CHD9: variants seen among roughly 807,000 people sequenced by gnomAD.
CHD9 encodes the protein ATP-dependent chromatin remodeler CHD9.
In CHD9, 77 loss-of-function variants were observed where a neutral mutation model predicts 316.1. That is an observed-to-expected ratio of 0.24 (90% confidence interval 0.20 to 0.29). The LOEUF is 0.29. Among genes scored for constraint, CHD9 ranks in the 10% least tolerant of loss-of-function variants. The pLI is 1.00. For missense variants in CHD9, 2,763 were observed against 3,438.1 expected, an observed-to-expected ratio of 0.80 and a Z score of 4.91; for synonymous variants, 1,129 against 1,158.3, an observed-to-expected ratio of 0.97 and a Z score of 0.51.
chr16:53,272,958 G>A (rs932480848), intron 22 of CHD9, among the ~76,000 whole-genome samples: 16 of 152,036 alleles, frequency 1.1e-4, no homozygotes, highest in African/African-American at 2.2e-4. Context: ...GCGTGGTGGC[G>A]CATGCCTGTA....
chr16:53,183,532 A>G (rs2043711432), intron 2 of CHD9, among the ~76,000 whole-genome samples: 1 of 152,168 alleles, frequency 6.6e-6, no homozygotes, highest in African/African-American at 2.4e-5. Context: ...GTGTCAGTTT[A>G]TTTTCTCTGT....
chr16:53,167,138 C>G (rs1305124656), intron 2 of CHD9, among the ~76,000 whole-genome samples: 1 of 152,052 alleles, frequency 6.6e-6, no homozygotes, highest in Non-Finnish European at 1.5e-5. Context: ...TACAATTGTA[C>G]CTGGTTGTCT....
At chr16:53,184,165 C>T (rs780562975) in intron 2 of CHD9, among the ~76,000 whole-genome samples, 1 of 152,012 alleles carries the variant, frequency 6.6e-6, no homozygotes, top group Admixed American at 6.6e-5. Flanking sequence ...AGGATGGTCT[C>T]GATCTCCTGA....
intron 1 of CHD9, among the ~76,000 whole-genome samples, chr16:53,064,220 A>G (rs184988654): frequency 2.0e-5 from 3 of 152,246 alleles, no homozygotes; most frequent in Admixed American, 1.3e-4. Context: ...ATGACAGAGA[A>G]CTGGTTGGCC....
chr16:53,086,379 C>T (rs2035462243), intron 1 of CHD9, among the ~76,000 whole-genome samples: 1 of 152,220 alleles, frequency 6.6e-6, no homozygotes, highest in Non-Finnish European at 1.5e-5. Context: ...ACAGACTGGG[C>T]TGCCTTAGGG....
intron 1 of CHD9, among the ~76,000 whole-genome samples, chr16:53,111,111 G>C (rs1411939368): frequency 6.6e-6 from 1 of 152,124 alleles, no homozygotes; most frequent in Non-Finnish European, 1.5e-5. Context: ...CATAGGCCTG[G>C]GTTCTAATGT....
At chr16:53,224,002 A>G (rs1369146133) in intron 4 of CHD9, among the ~76,000 whole-genome samples, 2 of 152,180 alleles carry the variant, frequency 1.3e-5, no homozygotes, top group Non-Finnish European at 2.9e-5. Context: ...TTAGAGACCT[A>G]AATTAAAAAG....
rs1321671067 is a variant in CHD9 at position 53,306,380 on chromosome 16, G to A, written c.6763G>A (p.Ala2255Thr). 1 of 1,586,702 alleles carries A rather than the reference G, an allele frequency of 6.3e-7. No homozygotes were observed. Among genetic ancestry groups the A allele is most frequent in the Admixed American group, 1.9e-5 (1 of 52,862 alleles). ...CTTACAAGGTGGATATATGCTGGCA[G>A]CCTCGTATTGGCCAAAGGTAAAGAA... Reference protein sequence around the residue: ...YILQGGYMLAASYWPKDRVMI... With the variant: ...YILQGGYMLATSYWPKDRVMI... The change falls in exon 32 of 39, where the codon GCC becomes ACC. Residue 2255 changes from alanine (A) to threonine (T), a missense_variant. This residue lies in a region of CHD9 where 663 missense variants were observed against 751.2 expected (regional missense o/e 0.88). Transcript: ENST00000447540.
intron 5 of CHD9, among the ~76,000 whole-genome samples, chr16:53,226,979 TC>T (rs1240591911): frequency 6.6e-6 from 1 of 152,138 alleles, no homozygotes; most frequent in African/African-American, 2.4e-5. Context: ...CATATGTGCT[TC>T]CCTCGTCTAT....
chr16:53,197,536 C>A (rs2045033119), intron 2 of CHD9, among the ~76,000 whole-genome samples: 1 of 151,818 alleles, frequency 6.6e-6, no homozygotes. Context: ...GATAAGATAA[C>A]CTTATTGCAT....
At chr16:53,169,531 C>T (rs2042526498) in intron 2 of CHD9, 3 of 152,094 alleles carry the variant, frequency 2.0e-5, no homozygotes, top group Non-Finnish European at 4.4e-5. Flanking sequence ...AAAATTTCAA[C>T]TTATCAGAAA....
At chr16:53,306,664 A>T (rs183120186) in intron 32 of CHD9, among the ~76,000 whole-genome samples, 93 of 152,352 alleles carry the variant, frequency 6.1e-4, no homozygotes, top group African/African-American at 2.0e-3. Flanking sequence ...TTCTTTATGA[A>T]ACAGGTGCTT....
At position 53,222,743 on chromosome 16, in the gene CHD9, T is replaced by C. The variant is rs760158927; in HGVS notation, c.1884T>C (p.Asp628=). ...AEQMPQHTLK[D]QDSQKRRSNR... ...AGATGCCACAGCATACATTAAAAGA[T>C]CAAGACTCTCAAGTGAGTATTACAA... Residue 628 remains aspartate (D), a synonymous_variant, in exon 4 of 39, where the codon GAT becomes GAC. Transcript: ENST00000447540. 6.1e-6 allele frequency: 9 copies of C among 1,487,272 alleles called. No homozygotes were observed. The South Asian group carries it at 9.8e-5, about 16-fold the overall frequency. The allele number at this position is 1,487,272 out of a possible 1,614,324, so 92.1% of individuals were successfully genotyped here. A position where few individuals can be genotyped will look rare whatever the true frequency, so the allele number is the denominator to read the frequency against.
intron 38 of CHD9, among the ~76,000 whole-genome samples, chr16:53,323,392 T>G (rs1171631952): frequency 6.6e-6 from 1 of 152,222 alleles, no homozygotes; most frequent in Non-Finnish European, 1.5e-5. Flanking sequence ...CTCTTAAAAC[T>G]TCTAAGAGTT....
At chr16:53,062,088 A>C (rs1025345894) in intron 1 of CHD9, among the ~76,000 whole-genome samples, 1 of 152,040 alleles carries the variant, frequency 6.6e-6, no homozygotes, top group Non-Finnish European at 1.5e-5. Context: ...CTGGCCTTTC[A>C]CTTCCTCCAA....
At chr16:53,125,477 C>T (rs1023750928) in intron 1 of CHD9, among the ~76,000 whole-genome samples, 2 of 152,146 alleles carry the variant, frequency 1.3e-5, no homozygotes, top group Non-Finnish European at 2.9e-5. Flanking sequence ...CTCAGGTGAT[C>T]CACCTGCCTC....
At position 53,247,312 on chromosome 16, in the gene CHD9, T is replaced by C. The variant is rs1475757896; in HGVS notation, c.3474T>C (p.Leu1158=). The change falls in exon 16 of 39, where the codon CTT becomes CTC. Residue 1158 remains leucine (L), a synonymous_variant. Transcript: ENST00000447540. ...YLIKGAEEKI[L]GEFRDTYNPA... ...TGACAGGTGCTGAGGAGAAAATACT[T>C]GGAGAATTTAGAGATACTTACAATC... is the stretch of plus-strand genomic sequence containing the variant. 1 of 1,600,334 alleles carries C rather than the reference T, an allele frequency of 6.2e-7. No individual in the cohort carries two copies.
chr16:53,256,731 C>T (rs2050643523), intron 19 of CHD9, among the ~76,000 whole-genome samples: 1 of 151,478 alleles, frequency 6.6e-6, no homozygotes. Context: ...TATTCTGTCT[C>T]ACCTGCACTA....
At chr16:53,181,057 C>G (rs1253515360) in intron 2 of CHD9, among the ~76,000 whole-genome samples, 1 of 150,496 alleles carries the variant, frequency 6.6e-6, no homozygotes, top group African/African-American at 2.4e-5. Context: ...GTTGCCCAGA[C>G]TGGAGTGCAA....
Sources: gnomAD v4.1 joint callset for allele counts (sites outside exome capture counted in the v4.1 genomes callset) on GRCh38, gnomAD v4.1.1 for gene constraint, gnomAD v4.1.1 regional missense constraint, MANE v1.5 for transcripts, NCBI Gene and HGNC (gene_info 2026-07-23, HGNC 2026-07-21) for gene names.